Variants in UGGT2 observed in about 807,000 individuals in gnomAD.
UGGT2 encodes UDP-glucose:glycoprotein glucosyltransferase 2.
In UGGT2, 180 loss-of-function variants were observed where a neutral mutation model predicts 192.1. The ratio of observed to expected loss-of-function variants is 0.94; its 90% CI spans 0.83 to 1.06. The LOEUF (loss-of-function observed/expected upper bound fraction) is 1.06, where lower values mean the gene tolerates loss of function less well. Ranked by LOEUF, UGGT2 falls within the 50% of genes least tolerant of loss-of-function variation. The probability of loss-of-function intolerance (pLI) is 0.00; values close to 1 mark genes in which losing one functional copy is unlikely to be tolerated. For missense variants in UGGT2, 1,849 were observed against 1,795.7 expected (o/e 1.03, Z -0.54); for synonymous variants, 580 against 591.0 (o/e 0.98, Z 0.27).
At chr13:95,929,152 C>T in intron 17 of UGGT2, among the ~76,000 whole-genome samples, 1 of 152,126 alleles carries the variant, frequency 6.6e-6, no homozygotes, top group East Asian at 1.9e-4. Context: ...CAGTACAGTC[C>T]AGCCTCGGCT....
intron 16 of UGGT2, among the ~76,000 whole-genome samples, chr13:95,939,674 A>G (rs180803102): frequency 2.0e-4 from 30 of 152,252 alleles, no homozygotes; most frequent in Admixed American, 8.5e-4. Flanking sequence ...TGTGGTGAGA[A>G]TCCTTAAAAT....
At chr13:95,978,288 T>C (rs967911530) in intron 10 of UGGT2, among the ~76,000 whole-genome samples, 1 of 152,230 alleles carries the variant, frequency 6.6e-6, no homozygotes, top group Non-Finnish European at 1.5e-5. Flanking sequence ...TCCCTGACGA[T>C]TAGTGATGGT....
chr13:96,025,489 A>G (rs1225168821), intron 2 of UGGT2, among the ~76,000 whole-genome samples: 1 of 152,222 alleles, frequency 6.6e-6, no homozygotes, highest in Non-Finnish European at 1.5e-5. Flanking sequence ...TTCCTCCTAC[A>G]GTCCAACTTG....
intron 33 of UGGT2, among the ~76,000 whole-genome samples, chr13:95,858,880 T>C (rs994735596): frequency 2.6e-5 from 4 of 152,150 alleles, no homozygotes; most frequent in African/African-American, 9.7e-5. Context: ...CCTAGAAATA[T>C]TAAGGAATAA....
chr13:95,983,258 A>G lies in UGGT2; in HGVS notation c.1092+546T>C, dbSNP rs141257077. On this transcript the variant is annotated intron_variant, in intron 10 of 38. Transcript: ENST00000376747. ...TGAGAAAAATGAACTCCTAGTGTTT[A>G]GGGCCCTGTGAGTCTGGTATGATAC... Among the ~76,000 whole-genome samples, 445 of 152,306 alleles carry G rather than the reference A, an allele frequency of 2.9e-3. 1 individual carries two copies. The highest frequency in any genetic ancestry group is 0.01 in the African/African-American group (422 of 41,568).
At chr13:95,924,512 G>GTAT (rs2048958801) in intron 20 of UGGT2, among the ~76,000 whole-genome samples, 1 of 143,078 alleles carries the variant, frequency 7.0e-6, no homozygotes, top group Non-Finnish European at 1.5e-5. Context: ...AATTTAAGAA[G>GTAT]TATTATTTAT....
intron 8 of UGGT2, among the ~76,000 whole-genome samples, chr13:95,988,038 C>T (rs931331061): frequency 1.3e-5 from 2 of 152,010 alleles, no homozygotes; most frequent in East Asian, 1.9e-4. Context: ...GACAGTCCCT[C>T]GGGGTACTAC....
intron 29 of UGGT2, among the ~76,000 whole-genome samples, chr13:95,875,553 A>G (rs1473419565): frequency 6.6e-6 from 1 of 152,222 alleles, no homozygotes; most frequent in Non-Finnish European, 1.5e-5. Flanking sequence ...AAAAACTTCT[A>G]AATTCTAAAA....
chr13:95,826,893 C>CA (rs1566552430), intron 38 of UGGT2, among the ~76,000 whole-genome samples: 2 of 151,224 alleles, frequency 1.3e-5, no homozygotes, highest in South Asian at 4.2e-4. Context: ...AGAAAAACAA[C>CA]AAAAAAGAAG....
At chr13:95,857,960 T>C (rs1447385679) in intron 33 of UGGT2, among the ~76,000 whole-genome samples, 1 of 151,660 alleles carries the variant, frequency 6.6e-6, no homozygotes, top group African/African-American at 2.4e-5. Context: ...AGTAGAAAAA[T>C]AGTATAACTT....
chr13:95,953,838 C>A (rs989636291), intron 12 of UGGT2, among the ~76,000 whole-genome samples: 2 of 151,992 alleles, frequency 1.3e-5, no homozygotes, highest in Non-Finnish European at 2.9e-5. Flanking sequence ...ATAAAGAGGT[C>A]AGTTTGAAGG....
At chr13:95,951,113 A>T (rs1037191791) in intron 12 of UGGT2, among the ~76,000 whole-genome samples, 1 of 152,208 alleles carries the variant, frequency 6.6e-6, no homozygotes, top group Non-Finnish European at 1.5e-5. Context: ...CAGAATTAAG[A>T]GACACACACA....
At chr13:96,049,786 C>T (rs2053430606) in intron 1 of UGGT2, among the ~76,000 whole-genome samples, 1 of 152,062 alleles carries the variant, frequency 6.6e-6, no homozygotes, top group African/African-American at 2.4e-5. Context: ...TGTGAAGGAC[C>T]TCTTCAAAGA....
chr13:95,897,082 C>T (rs2047967857), intron 22 of UGGT2, among the ~76,000 whole-genome samples: 1 of 152,016 alleles, frequency 6.6e-6, no homozygotes, highest in Non-Finnish European at 1.5e-5. Context: ...TCATGATGCC[C>T]TTCAAATATT....
chr13:95,867,758 A>T (rs968747320), intron 29 of UGGT2, among the ~76,000 whole-genome samples: 1 of 152,192 alleles, frequency 6.6e-6, no homozygotes, highest in African/African-American at 2.4e-5. Flanking sequence ...CATCCCTGAT[A>T]TATTGTAGTG....
intron 21 of UGGT2, among the ~76,000 whole-genome samples, chr13:95,901,747 A>G (rs970230184): frequency 6.6e-6 from 1 of 152,122 alleles, no homozygotes; most frequent in Non-Finnish European, 1.5e-5. Flanking sequence ...TAAGTATAAA[A>G]TGGCCATATG....
rs1310523017 is a variant in UGGT2 at position 96,053,287 on chromosome 13, A to G, written c.26T>C (p.Val9Ala). 6.3e-7 allele frequency: 1 copy of G among 1,578,644 alleles called. No homozygotes were observed. Among genetic ancestry groups the G allele is most frequent in the Non-Finnish European group, 8.5e-7 (1 of 1,171,232 alleles). Residue 9 changes from valine to alanine, a missense_variant, in exon 1 of 39, where the codon GTG becomes GCG. Val to Ala is a moderately conservative substitution (Grantham distance 64). Transcript: ENST00000376747. MAPAKATN[V>A]VRLLLGSTAL... Reference sequence around the variant, plus strand: ...TGTGGAGCCTAGTAGCAGCCGCACCACGTTCGTGGCTTTCGCTGGCGCCAT... The same window carrying G: ...TGTGGAGCCTAGTAGCAGCCGCACCGCGTTCGTGGCTTTCGCTGGCGCCAT...
chr13:95,852,396 A>AGG (rs1889140923), intron 36 of UGGT2, among the ~76,000 whole-genome samples: 3 of 152,164 alleles, frequency 2.0e-5, no homozygotes, highest in Admixed American at 1.3e-4. Context: ...TCATCTTCAT[A>AGG]GGGACATATG....
At chr13:96,002,760 T>A (rs1381248966) in intron 5 of UGGT2, among the ~76,000 whole-genome samples, 1 of 152,140 alleles carries the variant, frequency 6.6e-6, no homozygotes, top group Non-Finnish European at 1.5e-5. Flanking sequence ...AAAAACACAT[T>A]TTATATGATG....
Sources: gnomAD v4.1 joint callset for allele counts (sites outside exome capture counted in the v4.1 genomes callset) on GRCh38, gnomAD v4.1.1 for gene constraint, MANE v1.5 for transcripts, NCBI Gene and HGNC (gene_info 2026-07-23, HGNC 2026-07-21) for gene names.